The following SDK1 variants were observed in gnomAD, a reference collection of about 807,000 sequenced individuals.
SDK1 encodes the protein sidekick cell adhesion molecule 1.
Under a neutral mutation model 245.5 loss-of-function variants are expected in SDK1, and 157 were observed. That is an observed-to-expected ratio of 0.64 (90% CI 0.56 to 0.73). SDK1 has a LOEUF of 0.73. Ranked by LOEUF, SDK1 falls within the 30% of genes least tolerant of loss-of-function variation. The pLI is 0.00. For synonymous variants in SDK1, 1,647 were observed against 1,278.5 expected (o/e 1.29, Z -6.15); for missense variants, 3,583 against 3,002.3 (o/e 1.19, Z -4.52).
In SDK1 at chr7:4,149,481, G is replaced by A. The variant is rs777388350; in HGVS notation, c.4625+18G>A. ...GTTGACAGGTACTGAGAGAGCAGGA[G>A]CACCTCCCCGGGGAACGGGGCCCTG... is the stretch of plus-strand genomic sequence containing the variant. On this transcript the variant is annotated intron_variant, in intron 30 of 44. Transcript: ENST00000404826. 2.1e-6 allele frequency: 3 copies of A among 1,436,510 alleles called. No individual in the cohort carries two copies. The highest frequency in any genetic ancestry group is 2.8e-5 in the East Asian group (1 of 36,192). 89.0% of individuals were successfully genotyped at this position (1,436,510 alleles called of 1,614,324 possible). A position where few individuals can be genotyped will look rare whatever the true frequency, so the allele number is the denominator to read the frequency against.
intron 14 of SDK1, among the ~76,000 whole-genome samples, chr7:4,003,250 C>T (rs1785208096): frequency 1.3e-5 from 2 of 152,248 alleles, no homozygotes; most frequent in African/African-American, 2.4e-5. Context: ...CTGCCCCTCC[C>T]CTGCCTGCTC....
In SDK1 at chr7:4,267,879, C is replaced by G. The variant is rs1353663282; in HGVS notation, c.*2495C>G. ...ACAGCGCCCATGCCTCGGAGGGACT[C>G]TGTCCCATGAGAACCACCTGTGCAA... On this transcript the variant is annotated 3_prime_UTR_variant, in exon 45 of 45. Transcript: ENST00000404826. 1.0e-6 allele frequency: 1 copy of G among 985,556 alleles called. No homozygotes were observed. Among genetic ancestry groups the G allele is most frequent in the South Asian group, 4.7e-5 (1 of 21,286 alleles). The allele number at this position is 985,556 out of a possible 1,614,324, so 61.1% of individuals were successfully genotyped here.
chr7:4,194,335 T>C (rs1783434547), intron 35 of SDK1, among the ~76,000 whole-genome samples: 1 of 125,114 alleles, frequency 8.0e-6, no homozygotes, highest in Non-Finnish European at 1.6e-5. Context: ...CACGTATGTG[T>C]ATACATGTAT....
intron 4 of SDK1, among the ~76,000 whole-genome samples, chr7:3,808,922 G>A (rs1259089580): frequency 3.9e-5 from 6 of 152,148 alleles, no homozygotes; most frequent in Admixed American, 1.3e-4. Flanking sequence ...GTGTTTGTGC[G>A]TGAGCATGAT....
Position 4,049,236 on chromosome 7 carries a change from T to G in SDK1, c.2603-112T>G, listed in dbSNP as rs139928528. 5.0e-4 allele frequency: 361 copies of G among 724,454 alleles called. 1 individual carries two copies. The East Asian group carries it at 9.6e-3, about 19-fold the overall frequency. 44.9% of individuals were successfully genotyped at this position (724,454 alleles called of 1,614,324 possible). ...ATTCATCACACTTCCTCGGTCTCAGTGCAATAATTGCCTGTGAGCATGATG... is the reference window on the plus strand; with the variant it reads ...ATTCATCACACTTCCTCGGTCTCAGGGCAATAATTGCCTGTGAGCATGATG... On this transcript the variant is annotated intron_variant, in intron 17 of 44. Transcript: ENST00000404826.
At chr7:3,614,689 A>G (rs753086133) in intron 1 of SDK1, among the ~76,000 whole-genome samples, 1 of 152,178 alleles carries the variant, frequency 6.6e-6, no homozygotes, top group African/African-American at 2.4e-5. Context: ...TCAATGGTAA[A>G]TAGTGCTGGG....
intron 5 of SDK1, among the ~76,000 whole-genome samples, chr7:3,917,166 T>C (rs1329679515): frequency 6.6e-6 from 1 of 152,238 alleles, no homozygotes; most frequent in East Asian, 1.9e-4. Context: ...CAAAATTCTT[T>C]TCAGGCTTAT....
At chr7:3,333,467 TCTC>T (rs1780120537) in intron 1 of SDK1, among the ~76,000 whole-genome samples, 1 of 152,176 alleles carries the variant, frequency 6.6e-6, no homozygotes, top group South Asian at 2.1e-4. Context: ...TCTGTCTTGA[TCTC>T]CTCCTGTCTG....
At chr7:3,586,541 C>CA (rs113602540) in intron 1 of SDK1, among the ~76,000 whole-genome samples, 2,626 of 133,484 alleles carry the variant, frequency 0.02, 43 homozygotes, top group Admixed American at 0.05. Flanking sequence ...ACAAAAAATA[C>CA]AAAAAAAAAA....
chr7:3,854,793 A>C (rs1206423697), intron 5 of SDK1, among the ~76,000 whole-genome samples: 1 of 152,246 alleles, frequency 6.6e-6, no homozygotes, highest in Non-Finnish European at 1.5e-5. Flanking sequence ...AAACAACAAA[A>C]AAGATAGGTA....
intron 1 of SDK1, among the ~76,000 whole-genome samples, chr7:3,376,209 G>T (rs531084752): frequency 3.3e-4 from 50 of 152,202 alleles, no homozygotes; most frequent in African/African-American, 1.1e-3. Context: ...GGGAAAAAAA[G>T]AAAATCTCAG....
chr7:4,111,743 C>T (rs1476008026), intron 23 of SDK1, among the ~76,000 whole-genome samples: 7 of 152,108 alleles, frequency 4.6e-5, no homozygotes, highest in African/African-American at 1.4e-4. Context: ...GATCAGTGTC[C>T]CTGTCTGAAA....
At chr7:3,850,791 AGGTG>A (rs1165353268) in intron 5 of SDK1, among the ~76,000 whole-genome samples, 1 of 143,306 alleles carries the variant, frequency 7.0e-6, no homozygotes, top group East Asian at 2.3e-4. Flanking sequence ...TCTCACTCAT[AGGTG>A]GGAATTGAAC....
chr7:4,080,680 C>G (rs1301423881), intron 22 of SDK1, among the ~76,000 whole-genome samples: 1 of 152,178 alleles, frequency 6.6e-6, no homozygotes, highest in Middle Eastern at 3.4e-3. Context: ...AGCCCTACCT[C>G]ACATCATCAC....
chr7:3,538,754 C>T (rs576775546), intron 1 of SDK1, among the ~76,000 whole-genome samples: 1 of 152,306 alleles, frequency 6.6e-6, no homozygotes, highest in African/African-American at 2.4e-5. Context: ...CTTCATGAAC[C>T]TGGAGTGGGG....
intron 35 of SDK1, among the ~76,000 whole-genome samples, chr7:4,181,287 A>G (rs1782589080): frequency 6.6e-6 from 1 of 152,184 alleles, no homozygotes; most frequent in Non-Finnish European, 1.5e-5. Context: ...CTTCCTTTTC[A>G]TGGCTGAGTA....
chr7:3,483,497 G>A (rs2069089209), intron 1 of SDK1, among the ~76,000 whole-genome samples: 1 of 152,012 alleles, frequency 6.6e-6, no homozygotes, highest in South Asian at 2.1e-4. Context: ...TAATCATATT[G>A]TTTGTAAATT....
chr7:3,638,335 G>C (rs1052581620), intron 2 of SDK1, among the ~76,000 whole-genome samples: 2 of 152,124 alleles, frequency 1.3e-5, no homozygotes, highest in South Asian at 2.1e-4. Flanking sequence ...ACGTGCACAC[G>C]TATGTTTATT....
chr7:4,022,833 G>A (rs958135713), intron 17 of SDK1, among the ~76,000 whole-genome samples: 4 of 149,562 alleles, frequency 2.7e-5, no homozygotes, highest in African/African-American at 1.0e-4. Flanking sequence ...GAGTGCAGTG[G>A]CGCGATCTCG....
Sources: allele counts gnomAD v4.1 joint callset (sites outside exome capture counted in the v4.1 genomes callset), GRCh38; gene constraint gnomAD v4.1.1; transcripts MANE v1.5; gene names NCBI Gene and HGNC (gene_info 2026-07-23, HGNC 2026-07-21).